MAP4: variants seen among roughly 807,000 people sequenced by gnomAD.
MAP4 encodes the protein microtubule associated protein 4.
MAP4 carries 76 observed loss-of-function variants against 170.2 expected under a neutral mutation model. The ratio of observed to expected loss-of-function variants is 0.45; its 90% confidence interval spans 0.37 to 0.54. The LOEUF (loss-of-function observed/expected upper bound fraction) is 0.54. MAP4 is among the 20% of genes least tolerant of loss of function. The pLI is 0.00. For missense variants in MAP4, 2,506 were observed against 2,748.0 expected, an observed-to-expected ratio of 0.91 and a Z score of 1.97; for synonymous variants, 909 against 994.5, an observed-to-expected ratio of 0.91 and a Z score of 1.62.
chr3:47,930,217 G>A (rs1452734854), intron 3 of MAP4, among the ~76,000 whole-genome samples: 4 of 150,786 alleles, frequency 2.7e-5, no homozygotes, highest in Non-Finnish European at 4.4e-5. Context: ...AGGCCGAGGC[G>A]GGTGGATCAT....
chr3:47,954,098 GT>G (rs1011714678), intron 3 of MAP4, among the ~76,000 whole-genome samples: 2 of 152,040 alleles, frequency 1.3e-5, no homozygotes, highest in African/African-American at 4.8e-5. Context: ...AAGCTCTGTG[GT>G]TGCTCCCCTT....
rs546481067 is a variant in MAP4 at position 47,935,928 on chromosome 3, GACTT to G, written c.293-7582_293-7579del. Among the ~76,000 whole-genome samples the G allele has an allele frequency of 2.3e-3, 278 of 120,616 alleles. 1 individual carries two copies. The highest frequency in any genetic ancestry group is 8.8e-3 in the African/African-American group (262 of 29,894). The allele number at this position is 120,616 out of a possible 152,430, so 79.1% of individuals were successfully genotyped here. A position where few individuals can be genotyped will look rare whatever the true frequency, so the allele number is the denominator to read the frequency against. Reference sequence around the variant, plus strand: ...CACTCCAGCTGCAGTGACGTAGTGAGACTTAGTCTCCAAAAAAAAAAAAAAAAAA... The same window carrying G: ...CACTCCAGCTGCAGTGACGTAGTGAGAGTCTCCAAAAAAAAAAAAAAAAAA... On this transcript the variant is annotated intron_variant, in intron 3 of 20. Coordinates refer to ENST00000683076, the MANE Select transcript of MAP4 (RefSeq NM_001385682.1).
intron 1 of MAP4, among the ~76,000 whole-genome samples, chr3:48,055,028 A>AAT (rs2100130014): frequency 6.6e-6 from 1 of 152,170 alleles, no homozygotes; most frequent in African/African-American, 2.4e-5. Context: ...TTAAGCACTC[A>AAT]ATACCCCTTC....
rs969315879 is a variant in MAP4 at position 47,975,343 on chromosome 3, A to G, written c.292+2522T>C. On this transcript the variant is annotated intron_variant, in intron 3 of 20. Coordinates refer to ENST00000683076, the MANE Select transcript of MAP4 (RefSeq NM_001385682.1). ...AACTACCCTCAGTTTCTTCTACATC[A>G]TGTCCAGGAATGAAAAGCAAAGCTC... The G allele has an allele frequency of 1.3e-5, 20 of 1,545,526 alleles. No individual in the cohort carries two copies. The African/African-American group carries it at 1.9e-4, about 15-fold the overall frequency.
chr3:48,084,050 T>TA (rs549920039), intron 1 of MAP4, among the ~76,000 whole-genome samples: 139 of 151,648 alleles, frequency 9.2e-4, no homozygotes, highest in African/African-American at 3.2e-3. Flanking sequence ...TTTTAACCTA[T>TA]AAATAATCAC....
chr3:48,062,470 C>G (rs369068243), intron 1 of MAP4, among the ~76,000 whole-genome samples: 4 of 112,522 alleles, frequency 3.6e-5, no homozygotes, highest in Admixed American at 2.5e-4. Flanking sequence ...TCCCCTTCTG[C>G]GAGAAACACC....
chr3:47,941,276 T>C (rs1249865430), intron 3 of MAP4, among the ~76,000 whole-genome samples: 1 of 146,218 alleles, frequency 6.8e-6, no homozygotes, highest in East Asian at 2.0e-4. Flanking sequence ...GAAACTACCA[T>C]TTGTGAAGTT....
intron 1 of MAP4, among the ~76,000 whole-genome samples, chr3:48,068,356 G>A (rs1234171886): frequency 1.3e-5 from 2 of 151,658 alleles, no homozygotes; most frequent in African/African-American, 4.8e-5. Context: ...CCTTGGCTGT[G>A]AGTCAATTCA....
rs60787101 is a variant in MAP4 at position 47,949,208 on chromosome 3, G to A, written c.293-20858C>T. ...CAGCTGGGCACGGTGGCTCACGCCT[G>A]TAATCCCAGCACTTTGGGAGCCTGA... is the stretch of plus-strand genomic sequence containing the variant. On this transcript the variant is annotated intron_variant, in intron 3 of 20. Coordinates refer to ENST00000683076, the MANE Select transcript of MAP4 (RefSeq NM_001385682.1). Among the ~76,000 whole-genome samples, 585 of 152,216 alleles carry A rather than the reference G, an allele frequency of 3.8e-3. 4 individuals are homozygous for A. Among genetic ancestry groups the A allele is most frequent in the African/African-American group, 0.013 (549 of 41,540 alleles).
chr3:47,887,075 G>A (rs530848541), intron 10 of MAP4, among the ~76,000 whole-genome samples: 1 of 152,252 alleles, frequency 6.6e-6, no homozygotes. Flanking sequence ...TGCTCTCGGC[G>A]CCTCCTCTGC....
At chr3:47,864,223 C>G (rs1227192215) in intron 17 of MAP4, among the ~76,000 whole-genome samples, 1 of 152,298 alleles carries the variant, frequency 6.6e-6, no homozygotes, top group East Asian at 1.9e-4. Context: ...CCCAGGGCCA[C>G]TGTACCTGGC....
chr3:47,891,131 C>A, intron 10 of MAP4: 2 of 1,536,356 alleles, frequency 1.3e-6, no homozygotes, highest in Non-Finnish European at 1.7e-6. Context: ...TTTCTCTCCT[C>A]GCTGGCAAAC....
intron 9 of MAP4, among the ~76,000 whole-genome samples, chr3:47,903,287 A>G (rs1234232470): frequency 6.6e-6 from 1 of 152,156 alleles, no homozygotes; most frequent in Non-Finnish European, 1.5e-5. Context: ...TAATCCCAGC[A>G]CTTTGGGAGG....
chr3:48,031,158 C>T (rs1296395716), intron 1 of MAP4, among the ~76,000 whole-genome samples: 3 of 151,994 alleles, frequency 2.0e-5, no homozygotes, highest in African/African-American at 7.3e-5. Flanking sequence ...CATCTGTAAT[C>T]CCAGCACTTT....
intron 3 of MAP4, among the ~76,000 whole-genome samples, chr3:47,929,704 A>C (rs896293368): frequency 6.6e-6 from 1 of 151,426 alleles, no homozygotes; most frequent in African/African-American, 2.4e-5. Context: ...AAAAACTTAT[A>C]AACAGGAAAA....
In MAP4 at chr3:47,963,025, G is replaced by A. The variant is rs773703758; in HGVS notation, c.292+14840C>T. Among the ~76,000 whole-genome samples the A allele has an allele frequency of 8.5e-5, 13 of 152,134 alleles. 1 individual carries two copies. The highest frequency in any genetic ancestry group is 1.8e-4 in the Non-Finnish European group (12 of 68,024). ...GCCAGGCTTGCCAGTTTTTTGCAGT[G>A]AGAGTCCTAAGTTAATTTTTTCACA... On this transcript the variant is annotated intron_variant, in intron 3 of 20. Coordinates refer to ENST00000683076, the MANE Select transcript of MAP4 (RefSeq NM_001385682.1).
chr3:48,038,651 G>A (rs925466589), intron 1 of MAP4, among the ~76,000 whole-genome samples: 9 of 152,056 alleles, frequency 5.9e-5, no homozygotes, highest in African/African-American at 1.2e-4. Context: ...TAGCAGGGAC[G>A]GGGTTTCACC....
chr3:48,075,506 A>G (rs911280647), intron 1 of MAP4, among the ~76,000 whole-genome samples: 14 of 152,054 alleles, frequency 9.2e-5, no homozygotes, highest in African/African-American at 3.4e-4. Flanking sequence ...CAGCCTGGGC[A>G]ACGGAGCAAG....
At chr3:48,022,853 G>A (rs981477045) in intron 1 of MAP4, among the ~76,000 whole-genome samples, 6 of 151,876 alleles carry the variant, frequency 4.0e-5, no homozygotes, top group African/African-American at 1.5e-4. Context: ...ATTGCGCCAC[G>A]GCACTCCAGC....
Sources: gnomAD v4.1 joint callset for allele counts (sites outside exome capture counted in the v4.1 genomes callset) on GRCh38, gnomAD v4.1.1 for gene constraint, MANE v1.5 for transcripts, NCBI Gene and HGNC (gene_info 2026-07-23, HGNC 2026-07-21) for gene names.